The following SEPTIN2 variants were observed in gnomAD, a reference collection of about 807,000 sequenced individuals.
SEPTIN2 encodes the protein septin-2.
In SEPTIN2, 34 loss-of-function variants were observed where a neutral mutation model predicts 46.5. The ratio of observed to expected loss-of-function variants is 0.73; its 90% CI spans 0.56 to 0.97. The LOEUF (loss-of-function observed/expected upper bound fraction) is 0.97, where lower values mean the gene tolerates loss of function less well. Ranked by LOEUF, SEPTIN2 falls within the 50% of genes least tolerant of loss-of-function variation. SEPTIN2 has a pLI of 0.00. For missense variants in SEPTIN2, 347 were observed against 448.4 expected, an observed-to-expected ratio of 0.77 and a Z score of 2.04; for synonymous variants, 175 against 153.4, an observed-to-expected ratio of 1.14 and a Z score of -1.04.
At chr2:241,338,830 A>T (rs1211426195) in intron 7 of SEPTIN2, among the ~76,000 whole-genome samples, 11 of 98,388 alleles carry the variant, frequency 1.1e-4, no homozygotes, top group African/African-American at 4.8e-4. Flanking sequence ...TTTATATATA[A>T]TATATATAAT....
chr2:241,346,339 C>G, intron 10 of SEPTIN2, 90 bp downstream of exon 10: 1 of 855,596 alleles, frequency 1.2e-6, no homozygotes, highest in Non-Finnish European at 1.8e-6. Flanking sequence ...CCTTCTTGAC[C>G]ATTAAGCAAC....
rs539026565 is a variant in SEPTIN2, at chr2:241,353,754, A to G, written c.*1817A>G. On this transcript the variant is annotated 3_prime_UTR_variant, in exon 13 of 13. Transcript: ENST00000391971. Reference sequence around the variant, plus strand: ...AAGAAAAACAAGTTTGCTAGTGACTAAGCCCCGCATATGTGAGTGAAAGTA... The same window carrying G: ...AAGAAAAACAAGTTTGCTAGTGACTGAGCCCCGCATATGTGAGTGAAAGTA... The G allele has an allele frequency of 6.5e-6, 1 of 153,360 alleles. No homozygotes were observed. Among genetic ancestry groups the G allele is most frequent in the Non-Finnish European group, 1.5e-5 (1 of 68,036 alleles). The allele number at this position is 153,360 out of a possible 1,614,324, so 9.5% of individuals were successfully genotyped here.
At chr2:241,329,350 G>T (rs934752786) in intron 3 of SEPTIN2, among the ~76,000 whole-genome samples, 1 of 151,994 alleles carries the variant, frequency 6.6e-6, no homozygotes, top group East Asian at 1.9e-4. Context: ...TGATGGTCTC[G>T]ATCTCCTGAC....
intron 2 of SEPTIN2, 64 bp downstream of exon 2, chr2:241,324,305 ACAGT>A: frequency 7.7e-7 from 1 of 1,295,168 alleles, no homozygotes; most frequent in Non-Finnish European, 1.1e-6. Flanking sequence ...CAGACTGTTG[ACAGT>A]CGGGACTTAT....
At chr2:241,340,022 C>T (rs1257014754) in intron 7 of SEPTIN2, among the ~76,000 whole-genome samples, 3 of 152,204 alleles carry the variant, frequency 2.0e-5, no homozygotes, top group Non-Finnish European at 2.9e-5. Context: ...TATCTTTTCA[C>T]AATTGTGTGA....
intron 1 of SEPTIN2, chr2:241,317,376 A>C (rs1038689294): frequency 1.0e-5 from 2 of 195,050 alleles, no homozygotes; most frequent in African/African-American, 4.7e-5. Flanking sequence ...GAGCGTTTTA[A>C]TTAGATCAGA....
intron 7 of SEPTIN2, among the ~76,000 whole-genome samples, chr2:241,338,327 C>A (rs1003047749): frequency 1.4e-4 from 22 of 152,040 alleles, no homozygotes; most frequent in Non-Finnish European, 1.8e-4. Flanking sequence ...TTTTAAATTG[C>A]TTACTTTGTT....
intron 7 of SEPTIN2, among the ~76,000 whole-genome samples, chr2:241,339,587 T>TATGA (rs1486515495): frequency 2.6e-5 from 4 of 152,170 alleles, no homozygotes; most frequent in Admixed American, 1.3e-4. Context: ...CATTCCACCA[T>TATGA]ATGAATATAC....
intron 11 of SEPTIN2, among the ~76,000 whole-genome samples, 189 bp from the exon 12 acceptor site, chr2:241,349,884 G>A (rs766181902): frequency 3.9e-5 from 6 of 152,096 alleles, no homozygotes; most frequent in East Asian, 1.9e-4. Context: ...TTGCATATTC[G>A]TATCATTTAC....
intron 8 of SEPTIN2, among the ~76,000 whole-genome samples, 200 bp from the exon 9 acceptor site, chr2:241,343,552 A>G (rs2081548193): frequency 6.6e-6 from 1 of 152,180 alleles, no homozygotes; most frequent in Non-Finnish European, 1.5e-5. Flanking sequence ...ATTTTATTGT[A>G]GGTTTAATTT....
chr2:241,320,614 C>A (rs1053649735), intron 1 of SEPTIN2, among the ~76,000 whole-genome samples: 1 of 152,056 alleles, frequency 6.6e-6, no homozygotes, highest in African/African-American at 2.4e-5. Flanking sequence ...CATGGTGAGA[C>A]CCCATCTCTA....
chr2:241,337,944 C>T (rs1164601825), intron 7 of SEPTIN2, among the ~76,000 whole-genome samples, 154 bp downstream of exon 7: 1 of 152,018 alleles, frequency 6.6e-6, no homozygotes, highest in Non-Finnish European at 1.5e-5. Flanking sequence ...TCAAGGAGAA[C>T]CTGATGGTTA....
chr2:241,344,285 A>AC (rs1310182937), intron 9 of SEPTIN2, among the ~76,000 whole-genome samples: 1 of 152,106 alleles, frequency 6.6e-6, no homozygotes, highest in African/African-American at 2.4e-5. Flanking sequence ...AGGCTGAGCC[A>AC]CCCCTGGTGC....
At chr2:241,340,035 C>G (rs1218184109) in intron 7 of SEPTIN2, among the ~76,000 whole-genome samples, 2 of 152,152 alleles carry the variant, frequency 1.3e-5, no homozygotes, top group African/African-American at 4.8e-5. Flanking sequence ...TTGTGTGAGC[C>G]AAACGAATTC....
In SEPTIN2 at chr2:241,324,237, C is replaced by T. The variant is rs1419739679; in HGVS notation, c.5C>T (p.Ser2Phe). ...ACAGACGAAGCTTCACAAAAGATGT[C>T]TAAGGTAAGATCATACTTCATGTAT... M[S>F]KQQPTQFINP... Residue 2 changes from serine (S) to phenylalanine (F), a missense_variant, in exon 2 of 13, where the codon TCT becomes TTT. Ser to Phe is a radical substitution (Grantham distance 155). Transcript: ENST00000391971. 2 of 1,610,188 alleles carry T rather than the reference C, an allele frequency of 1.2e-6. No homozygotes were observed. The highest frequency in any genetic ancestry group is 1.1e-5 in the South Asian group (1 of 89,632).
At chr2:241,316,766 C>T (rs2149785521) in intron 1 of SEPTIN2, 1 of 416,626 alleles carries the variant, frequency 2.4e-6, no homozygotes, top group Non-Finnish European at 4.3e-6. Context: ...CGGAAACACA[C>T]GAACCAACTA....
intron 7 of SEPTIN2, 34 bp downstream of exon 7, chr2:241,337,824 G>T: frequency 1.4e-6 from 2 of 1,451,710 alleles, no homozygotes; most frequent in South Asian, 2.3e-5. Flanking sequence ...CTCCCTCTGG[G>T]TGCGACTCGG....
At chr2:241,351,102 T>C (rs923104732) in intron 12 of SEPTIN2, among the ~76,000 whole-genome samples, 5 of 152,120 alleles carry the variant, frequency 3.3e-5, no homozygotes, top group Admixed American at 6.5e-5. Context: ...TTCAGGGACC[T>C]CATTCTGGAA....
intron 1 of SEPTIN2, among the ~76,000 whole-genome samples, chr2:241,319,080 C>T (rs1193470855): frequency 6.6e-6 from 1 of 152,142 alleles, no homozygotes; most frequent in African/African-American, 2.4e-5. Context: ...ATTCAGTAAA[C>T]TCACCAAGGT....
Sources: gnomAD v4.1 joint callset for allele counts (sites outside exome capture counted in the v4.1 genomes callset) on GRCh38, gnomAD v4.1.1 for gene constraint, MANE v1.5 for transcripts, NCBI Gene and HGNC (gene_info 2026-07-23, HGNC 2026-07-21) for gene names.